KLHDC4: variants seen among roughly 807,000 people sequenced by gnomAD.
KLHDC4 encodes the protein kelch domain-containing protein 4.
In KLHDC4, 90 loss-of-function variants were observed where a neutral mutation model predicts 62.4. The observed-to-expected ratio is 1.44, with a 90% CI of 1.22 to 1.72. The LOEUF (loss-of-function observed/expected upper bound fraction) is 1.72, where lower values mean the gene tolerates loss of function less well. KLHDC4 is among the 40% of genes most tolerant of loss of function. The pLI, the probability that KLHDC4 is intolerant of heterozygous loss-of-function variation, is 0.00. For synonymous variants in KLHDC4, 386 were observed against 284.4 expected, an observed-to-expected ratio of 1.36 and a Z score of -3.59; for missense variants, 1,025 against 699.7, an observed-to-expected ratio of 1.47 and a Z score of -5.25.
Position 87,735,998 on chromosome 16 carries a change from G to A in KLHDC4, c.507-5354C>T, listed in dbSNP as rs76987212. On this transcript the variant is annotated intron_variant, in intron 5 of 11. Coordinates refer to ENST00000270583, the MANE Select transcript of KLHDC4 (RefSeq NM_017566.4). ...TGAGTTAAGCACTCTGCATGCAAAC[G>A]CTTCTCTGAGTGACTTTACAGTCTA... 8.7e-3 allele frequency among the ~76,000 whole-genome samples: 1,321 copies of A among 152,292 alleles called. 49 individuals are homozygous for A. Among genetic ancestry groups the A allele is most frequent in the Admixed American group, 0.062 (946 of 15,300 alleles).
Position 87,765,818 on chromosome 16 carries a change from C to T in KLHDC4, c.73G>A (p.Val25Met), listed in dbSNP as rs2143563973. 6.4e-7 allele frequency: 1 copy of T among 1,567,760 alleles called. No individual in the cohort carries two copies. Among genetic ancestry groups the T allele is most frequent in the South Asian group, 1.2e-5 (1 of 85,318 alleles). Residue 25 changes from valine to methionine, a missense_variant, in exon 1 of 12, where the codon GTG becomes ATG. By Grantham distance (21) the Val-to-Met change is conservative. Transcript: ENST00000270583. ...EKTAAKMEKK[V>M]SKRSRKEEED... Reference sequence around the variant, plus strand: ...TCCTCCTTCCGCGAGCGCTTAGACACCTTCTTCTCCATCTTGGCGGCCGTC... The same window carrying T: ...TCCTCCTTCCGCGAGCGCTTAGACATCTTCTTCTCCATCTTGGCGGCCGTC...
chr16:87,729,518 C>A (rs775318904), intron 6 of KLHDC4, among the ~76,000 whole-genome samples: 1 of 152,336 alleles, frequency 6.6e-6, no homozygotes, highest in South Asian at 2.1e-4. Flanking sequence ...CACAACTGCA[C>A]TTATGACAGA....
Position 87,765,885 on chromosome 16 carries a change from G to A in KLHDC4, c.6C>T (p.Gly2=). 3 of 1,551,118 alleles carry A rather than the reference G, an allele frequency of 1.9e-6. No homozygotes were observed. Among genetic ancestry groups the A allele is most frequent in the Non-Finnish European group, 2.6e-6 (3 of 1,146,862 alleles). The change falls in exon 1 of 12, where the codon GGC becomes GGT. Residue 2 remains glycine, a synonymous_variant. Transcript: ENST00000270583. Reference sequence around the variant, plus strand: ...CCTTCTTCTCCTTCTTGCCCTTCTTGCCCATCTTGCCGGGTCCCAAGCCGC... The same window carrying A: ...CCTTCTTCTCCTTCTTGCCCTTCTTACCCATCTTGCCGGGTCCCAAGCCGC... M[G]KKGKKEKKGR...
chr16:87,726,181 A>G (rs536932386), intron 7 of KLHDC4, among the ~76,000 whole-genome samples: 73 of 148,262 alleles, frequency 4.9e-4, no homozygotes, highest in Middle Eastern at 7.0e-3. Context: ...CCCACGCCGC[A>G]ACTCACCCGT....
intron 7 of KLHDC4, among the ~76,000 whole-genome samples, chr16:87,719,447 G>C (rs966943615): frequency 1.2e-4 from 19 of 152,288 alleles, no homozygotes; most frequent in African/African-American, 4.3e-4. Context: ...GATGTACTTT[G>C]TTAAACAGAT....
intron 8 of KLHDC4, among the ~76,000 whole-genome samples, chr16:87,713,398 A>G (rs2036282186): frequency 6.6e-6 from 1 of 150,890 alleles, no homozygotes; most frequent in East Asian, 2.0e-4. Flanking sequence ...GTGTGTCACT[A>G]TGTTGCCCAG....
At chr16:87,757,822 G>A (rs965980877) in intron 2 of KLHDC4, among the ~76,000 whole-genome samples, 6 of 152,038 alleles carry the variant, frequency 3.9e-5, no homozygotes, top group Admixed American at 6.6e-5. Context: ...AACCCGGGAG[G>A]CAGAGGCTGC....
chr16:87,717,503 G>C (rs1323469328), intron 7 of KLHDC4, among the ~76,000 whole-genome samples: 2 of 152,348 alleles, frequency 1.3e-5, no homozygotes, highest in East Asian at 3.9e-4. Flanking sequence ...GCCATATGGA[G>C]AGTGACCTGA....
At chr16:87,755,367 T>G (rs761627643) in intron 3 of KLHDC4, 75 bp from the exon 4 acceptor site, 4 of 801,338 alleles carry the variant, frequency 5.0e-6, no homozygotes, top group Non-Finnish European at 6.3e-6. Flanking sequence ...ATCTTAATCA[T>G]GACAATTCCC....
At chr16:87,734,073 C>T (rs983367641) in intron 5 of KLHDC4, among the ~76,000 whole-genome samples, 2 of 152,222 alleles carry the variant, frequency 1.3e-5, no homozygotes, top group African/African-American at 4.8e-5. Flanking sequence ...GGGCCGGGCG[C>T]GGTGGCTCAC....
chr16:87,709,767 C>G, intron 9 of KLHDC4, 100 bp from the exon 10 acceptor site: 2 of 1,360,224 alleles, frequency 1.5e-6, no homozygotes, highest in East Asian at 5.0e-5. Flanking sequence ...GGGGACCACC[C>G]ACAAGCGTGG....
chr16:87,736,636 C>T (rs533470403), intron 5 of KLHDC4, among the ~76,000 whole-genome samples: 3 of 152,166 alleles, frequency 2.0e-5, no homozygotes, highest in Non-Finnish European at 2.9e-5. Flanking sequence ...CACTTAATCA[C>T]GTTATGTGGC....
At chr16:87,706,434 T>C (rs1256337084), downstream of KLHDC4, among the ~76,000 whole-genome samples, 1 of 64,852 alleles carries the variant, frequency 1.5e-5, no homozygotes. Flanking sequence ...TCCAGGGGGG[T>C]CGGCGGAGGG....
chr16:87,728,275 T>C (rs76999194), intron 6 of KLHDC4, among the ~76,000 whole-genome samples: 2,982 of 152,292 alleles, frequency 0.02, 96 homozygotes, highest in African/African-American at 0.068. Context: ...TTAATATAGA[T>C]AGAATCTGAG....
At chr16:87,735,529 T>C (rs541864121) in intron 5 of KLHDC4, among the ~76,000 whole-genome samples, 2 of 152,288 alleles carry the variant, frequency 1.3e-5, no homozygotes, top group Admixed American at 1.3e-4. Flanking sequence ...CAGAGTCTCA[T>C]CCTCTGGCTG....
At chr16:87,738,544 AC>A (rs1688575225) in intron 5 of KLHDC4, among the ~76,000 whole-genome samples, 1 of 151,798 alleles carries the variant, frequency 6.6e-6, no homozygotes, top group African/African-American at 2.4e-5. Context: ...CCATCCACAC[AC>A]CAGCACCTCA....
intron 1 of KLHDC4, 138 bp from the exon 2 acceptor site, chr16:87,762,178 T>C (rs1362837952): frequency 4.8e-6 from 7 of 1,469,892 alleles, no homozygotes; most frequent in South Asian, 1.4e-5. Flanking sequence ...CTGTGCCTGT[T>C]TGAAATGCAG....
chr16:87,728,425 G>A (rs2039758531), intron 6 of KLHDC4, among the ~76,000 whole-genome samples: 1 of 151,940 alleles, frequency 6.6e-6, no homozygotes, highest in Non-Finnish European at 1.5e-5. Context: ...CTCTATAAAT[G>A]CAGAATAGAG....
intron 3 of KLHDC4, 27 bp from the exon 4 acceptor site, chr16:87,755,319 G>T (rs915670350): frequency 8.1e-6 from 10 of 1,227,984 alleles, no homozygotes; most frequent in Non-Finnish European, 1.2e-5. Flanking sequence ...GAATGTCAGT[G>T]TCACAAATGA....
Sources: allele counts gnomAD v4.1 joint callset (sites outside exome capture counted in the v4.1 genomes callset), GRCh38; gene constraint gnomAD v4.1.1; transcripts MANE v1.5; gene names NCBI Gene and HGNC (gene_info 2026-07-23, HGNC 2026-07-21).